The following ALAS2 variants were observed in gnomAD, a reference collection of about 807,000 sequenced individuals.
ALAS2 encodes the protein 5-aminolevulinate synthase, erythroid-specific, mitochondrial.
In ALAS2, 3 loss-of-function variants were observed where a neutral mutation model predicts 33.7. The observed-to-expected ratio is 0.09, with a 90% CI of 0.04 to 0.23. The LOEUF (loss-of-function observed/expected upper bound fraction) is 0.23, where lower values mean the gene tolerates loss of function less well. ALAS2 is among the 10% of genes least tolerant of loss of function. ALAS2 has a pLI of 1.00. For synonymous variants in ALAS2, 191 were observed against 177.3 expected, an observed-to-expected ratio of 1.08 and a Z score of -0.61; for missense variants, 304 against 475.1, an observed-to-expected ratio of 0.64 and a Z score of 3.35.
chrX:55,027,664 A>ATGTC, intron 1 of ALAS2: 1 of 916,282 alleles, frequency 1.1e-6, no homozygotes, highest in East Asian at 3.1e-5. Context: ...TTTGAGGGAC[A>ATGTC]GGTCAGCTCA....
At chrX:55,017,129 G>A (rs1935714846) in intron 7 of ALAS2, among the ~76,000 whole-genome samples, 1 of 112,064 alleles carries the variant, frequency 8.9e-6, no homozygotes, top group South Asian at 3.7e-4. Context: ...GCACCAACTT[G>A]CTGAGCCACT....
chrX:55,020,911 A>C, intron 5 of ALAS2, 141 bp downstream of exon 5: 1 of 522,621 alleles, frequency 1.9e-6, no homozygotes, highest in Non-Finnish European at 3.3e-6. Context: ...TATCCAAGGA[A>C]TAGATATGAT....
In ALAS2 at chrX:55,017,620, T is replaced by G; in HGVS notation, c.869A>C (p.Gln290Pro). Reference sequence around the variant, plus strand: ...GGCTGCTCCACTGTTACGGATACCTTGGATCATGGAAGCATGGTTGCCTGC... The same window carrying G: ...GGCTGCTCCACTGTTACGGATACCTGGGATCATGGAAGCATGGTTGCCTGC... ...SDAGNHASMI[Q>P]GIRNSGAAKF... Residue 290 changes from glutamine (Q) to proline (P), a missense_variant, in exon 7 of 11, where the codon CAA becomes CCA. Gln to Pro is a moderately conservative substitution (Grantham distance 76). Transcript: ENST00000650242. 8.3e-7 allele frequency: 1 copy of G among 1,211,937 alleles called. No homozygotes were observed. Among genetic ancestry groups the G allele is most frequent in the Non-Finnish European group, 1.1e-6 (1 of 895,550 alleles).
At chrX:55,021,566 C>A (rs906687168) in intron 4 of ALAS2, among the ~76,000 whole-genome samples, 1 of 112,225 alleles carries the variant, frequency 8.9e-6, no homozygotes, top group African/African-American at 3.2e-5. Flanking sequence ...ACTAGAATCA[C>A]TGCTTTCAGT....
intron 4 of ALAS2, among the ~76,000 whole-genome samples, chrX:55,021,660 A>G (rs1279841232): frequency 1.8e-5 from 2 of 111,990 alleles, no homozygotes; most frequent in Non-Finnish European, 3.8e-5. Context: ...CAAGTCATGA[A>G]TCTTCTTTCT....
intron 6 of ALAS2, among the ~76,000 whole-genome samples, 199 bp downstream of exon 6, chrX:55,020,121 A>G (rs1935775053): frequency 9.0e-6 from 1 of 111,624 alleles, no homozygotes; most frequent in Non-Finnish European, 1.9e-5. Context: ...GTTCCCCGGT[A>G]ATGGTCCTCT....
intron 1 of ALAS2, chrX:55,027,614 A>G: frequency 1.7e-6 from 1 of 588,203 alleles, no homozygotes; most frequent in Non-Finnish European, 2.9e-6. Context: ...CTGTGAAGAA[A>G]GTTACTGAGT....
At chrX:55,020,621 A>C in intron 5 of ALAS2, 117 bp from the exon 6 acceptor site, 1 of 731,178 alleles carries the variant, frequency 1.4e-6, no homozygotes. Context: ...TCCTATATAA[A>C]CTGTGTCCTA....
chrX:55,011,972 A>T (rs771331615), intron 10 of ALAS2, among the ~76,000 whole-genome samples: 1 of 112,072 alleles, frequency 8.9e-6, no homozygotes, highest in Non-Finnish European at 1.9e-5. Context: ...GGAAATGATA[A>T]GAGGATCTCT....
chrX:55,021,283 G>A lies in ALAS2; in HGVS notation c.416-9C>T. ...ACTGAAGACATAGTTTCCTGCAGGA[G>A]CAGATATGAGGATGAAAAGAATTCG... On this transcript the variant is annotated splice_polypyrimidine_tract_variant and intron_variant, in intron 4 of 10. Coordinates refer to ENST00000650242, the MANE Select transcript of ALAS2 (RefSeq NM_000032.5). The A allele has an allele frequency of 1.7e-6, 2 of 1,177,373 alleles. No individual in the cohort carries two copies. Among genetic ancestry groups the A allele is most frequent in the Non-Finnish European group, 2.3e-6 (2 of 863,831 alleles).
chrX:55,024,086 A>G (rs1935851850), intron 3 of ALAS2, among the ~76,000 whole-genome samples: 1 of 111,913 alleles, frequency 8.9e-6, no homozygotes, highest in Admixed American at 9.4e-5. Flanking sequence ...GGTGAATCAT[A>G]CTTCTCTCCA....
intron 10 of ALAS2, among the ~76,000 whole-genome samples, chrX:55,010,929 T>C (rs1430212182): frequency 8.9e-6 from 1 of 111,758 alleles, no homozygotes; most frequent in East Asian, 2.8e-4. Flanking sequence ...TCAATAAATA[T>C]TTGTTGAAAG....
rs1324079490 is a variant in ALAS2 at position 55,014,760 on chromosome X, A to T, written c.1424T>A (p.Ile475Asn). 8.4e-7 allele frequency: 1 copy of T among 1,185,738 alleles called. No individual in the cohort carries two copies. The highest frequency in any genetic ancestry group is 1.1e-6 in the Non-Finnish European group (1 of 879,393). Residue 475 changes from isoleucine (I) to asparagine (N), a missense_variant, in exon 9 of 11, where the codon ATC becomes AAC. Transcript: ENST00000650242. ...GLPVIPCPSH[I>N]IPIRVGNAAL... ...TGGGGCTCTCACCCGGATGGGGATG[A>T]TGTGGCTGGGGCAGGGGATGACAGG...
At chrX:55,029,126 C>T (rs1935945874) in intron 1 of ALAS2, among the ~76,000 whole-genome samples, 1 of 111,525 alleles carries the variant, frequency 9.0e-6, no homozygotes, top group Non-Finnish European at 1.9e-5. Flanking sequence ...TTCTCCATTT[C>T]CCATGTAGAA....
At chrX:55,011,147 G>A (rs949429738) in intron 10 of ALAS2, among the ~76,000 whole-genome samples, 6 of 111,547 alleles carry the variant, frequency 5.4e-5, no homozygotes, top group Non-Finnish European at 1.1e-4. Flanking sequence ...CCATGTGGAA[G>A]GCATTGAATG....
intron 1 of ALAS2, among the ~76,000 whole-genome samples, chrX:55,030,536 C>T (rs1411140849): frequency 9.0e-6 from 1 of 110,575 alleles, no homozygotes; most frequent in East Asian, 2.8e-4. Flanking sequence ...ATTAAGCCAT[C>T]GTTCTTGATA....
At chrX:55,018,734 C>T (rs1185733279) in intron 6 of ALAS2, among the ~76,000 whole-genome samples, 1 of 110,677 alleles carries the variant, frequency 9.0e-6, no homozygotes, top group Non-Finnish European at 1.9e-5. Context: ...TGGATTTGGT[C>T]CTGGGGGAAT....
intron 8 of ALAS2, 97 bp from the exon 9 acceptor site, chrX:55,015,112 T>C: frequency 1.0e-6 from 1 of 993,688 alleles, no homozygotes; most frequent in Non-Finnish European, 1.4e-6. Flanking sequence ...GCACCAGAAG[T>C]TGGGGCTCCA....
chrX:55,011,152 T>G (rs1455453119), intron 10 of ALAS2, among the ~76,000 whole-genome samples: 2 of 111,520 alleles, frequency 1.8e-5, no homozygotes, highest in Non-Finnish European at 3.8e-5. Flanking sequence ...TGGAAGGCAT[T>G]GAATGCTATG....
Sources: allele counts gnomAD v4.1 joint callset (sites outside exome capture counted in the v4.1 genomes callset), GRCh38; gene constraint gnomAD v4.1.1; transcripts MANE v1.5; gene names NCBI Gene and HGNC (gene_info 2026-07-23, HGNC 2026-07-21).